The following SMYD3 variants were observed in gnomAD, a reference collection of about 807,000 sequenced individuals.
SMYD3 encodes histone-lysine N-methyltransferase SMYD3.
Under a neutral mutation model 57.7 loss-of-function variants are expected in SMYD3, and 36 were observed. The ratio of observed to expected loss-of-function variants is 0.62; its 90% CI spans 0.48 to 0.82. The LOEUF is 0.82. Ranked by LOEUF, SMYD3 falls within the 40% of genes least tolerant of loss-of-function variation. SMYD3 has a pLI of 0.00. For synonymous variants in SMYD3, 211 were observed against 195.0 expected, an observed-to-expected ratio of 1.08 and a Z score of -0.68; for missense variants, 515 against 538.8, an observed-to-expected ratio of 0.96 and a Z score of 0.44.
At chr1:245,810,980 A>C (rs1444639893) in intron 10 of SMYD3, among the ~76,000 whole-genome samples, 9 of 152,102 alleles carry the variant, frequency 5.9e-5, no homozygotes, top group Non-Finnish European at 1.5e-5. Flanking sequence ...TGCTCATTAC[A>C]CTTCTGATAT....
chr1:246,436,006 T>C, intron 1 of SMYD3, among the ~76,000 whole-genome samples: 1 of 152,172 alleles, frequency 6.6e-6, no homozygotes, highest in East Asian at 1.9e-4. Context: ...TTACTCAACA[T>C]TTCCTGGGTC....
At chr1:245,827,524 G>C (rs2049569733) in intron 10 of SMYD3, among the ~76,000 whole-genome samples, 1 of 152,152 alleles carries the variant, frequency 6.6e-6, no homozygotes, top group African/African-American at 2.4e-5. Flanking sequence ...CTTCCAGACA[G>C]TAAAATCCTC....
intron 5 of SMYD3, among the ~76,000 whole-genome samples, chr1:246,240,580 T>C (rs1293500049): frequency 1.3e-4 from 20 of 152,128 alleles, no homozygotes; most frequent in Non-Finnish European, 2.9e-5. Context: ...AAGGGCTCTT[T>C]TTTGGTTCCA....
chr1:246,178,859 G>A (rs2062481151), intron 5 of SMYD3: 2 of 152,058 alleles, frequency 1.3e-5, no homozygotes, highest in South Asian at 4.1e-4. Context: ...AATCAATGCA[G>A]AGCAGGTGGC....
chr1:245,866,547 C>T (rs2051858896), intron 8 of SMYD3, among the ~76,000 whole-genome samples: 1 of 152,072 alleles, frequency 6.6e-6, no homozygotes, highest in Non-Finnish European at 1.5e-5. Flanking sequence ...GCCTGGCCAA[C>T]ATGACAAAAC....
At chr1:245,771,972 G>A (rs2046357053) in intron 10 of SMYD3, among the ~76,000 whole-genome samples, 1 of 152,178 alleles carries the variant, frequency 6.6e-6, no homozygotes, top group Admixed American at 6.5e-5. Flanking sequence ...CTACTCTGGA[G>A]AGGTGCTGTT....
intron 10 of SMYD3, among the ~76,000 whole-genome samples, chr1:245,815,051 C>T (rs2048724449): frequency 6.6e-6 from 1 of 152,206 alleles, no homozygotes; most frequent in South Asian, 2.1e-4. Flanking sequence ...CAGAGCAGGA[C>T]AATGGTCTTG....
At chr1:245,752,290 C>T (rs1390958068) in intron 11 of SMYD3, among the ~76,000 whole-genome samples, 2 of 152,216 alleles carry the variant, frequency 1.3e-5, no homozygotes, top group African/African-American at 4.8e-5. Flanking sequence ...AAAGGCCAGA[C>T]CTAACCTGCT....
At chr1:246,179,222 C>T (rs1172852742) in intron 5 of SMYD3, 1 of 153,320 alleles carries the variant, frequency 6.5e-6, no homozygotes, top group Admixed American at 6.5e-5. Flanking sequence ...CCACATGGCA[C>T]TGGGCTCCAG....
intron 5 of SMYD3, among the ~76,000 whole-genome samples, chr1:246,174,846 C>T (rs1302008927): frequency 2.0e-5 from 3 of 152,202 alleles, no homozygotes; most frequent in African/African-American, 7.2e-5. Flanking sequence ...ACACTTTCAT[C>T]TGGTAAGCAC....
At chr1:246,336,264 C>T (rs915653535) in intron 2 of SMYD3, among the ~76,000 whole-genome samples, 4 of 152,138 alleles carry the variant, frequency 2.6e-5, no homozygotes, top group Non-Finnish European at 4.4e-5. Flanking sequence ...TCCTTTCACA[C>T]GGAATCACTT....
intron 5 of SMYD3, among the ~76,000 whole-genome samples, chr1:245,944,961 C>T (rs1457125446): frequency 6.6e-6 from 1 of 152,026 alleles, no homozygotes; most frequent in Non-Finnish European, 1.5e-5. Flanking sequence ...TGGACCCCTT[C>T]CTTACACATT....
intron 5 of SMYD3, among the ~76,000 whole-genome samples, chr1:246,196,026 CA>C (rs2062826507): frequency 6.6e-6 from 1 of 152,032 alleles, no homozygotes; most frequent in African/African-American, 2.4e-5. Context: ...ATTTTACTGT[CA>C]CTTCTTTATT....
chr1:246,136,755 T>A (rs1219796740), intron 5 of SMYD3, among the ~76,000 whole-genome samples: 1 of 152,164 alleles, frequency 6.6e-6, no homozygotes, highest in African/African-American at 2.4e-5. Flanking sequence ...AGTGGGCATA[T>A]AAATGAATGA....
intron 7 of SMYD3, among the ~76,000 whole-genome samples, chr1:245,919,377 A>C (rs1325345072): frequency 6.6e-6 from 1 of 152,180 alleles, no homozygotes; most frequent in Non-Finnish European, 1.5e-5. Context: ...ACACCATGCC[A>C]ACATGTGTCT....
intron 8 of SMYD3, among the ~76,000 whole-genome samples, chr1:245,879,297 G>T (rs2052648475): frequency 6.6e-6 from 1 of 152,242 alleles, no homozygotes; most frequent in Non-Finnish European, 1.5e-5. Flanking sequence ...CATAGGGTGG[G>T]CCTAAGGGCT....
chr1:245,769,237 A>T (rs1480937687), intron 10 of SMYD3, among the ~76,000 whole-genome samples: 2 of 152,232 alleles, frequency 1.3e-5, no homozygotes, highest in Admixed American at 1.3e-4. Flanking sequence ...TCACCATCTA[A>T]ATCCACTGAT....
chr1:246,507,110 C>T lies in SMYD3; in HGVS notation c.108G>A (p.Leu36=). 1.3e-6 allele frequency: 2 copies of T among 1,532,940 alleles called. No homozygotes were observed. The highest frequency in any genetic ancestry group is 1.8e-6 in the Non-Finnish European group (2 of 1,139,900). 95.0% of individuals were successfully genotyped at this position (1,532,940 alleles called of 1,614,324 possible). The change falls in exon 1 of 12, where the codon TTG becomes TTA. Residue 36 remains leucine (L), a synonymous_variant. Transcript: ENST00000490107. ...GACTCCCCTTGCACACCGTGTACGCCAAGGGATCCGAGCGGAAGAGTAGCT... is the reference window on the plus strand; with the variant it reads ...GACTCCCCTTGCACACCGTGTACGCTAAGGGATCCGAGCGGAAGAGTAGCT... ...PGELLFRSDP[L]AYTVCKGSRG...
intron 5 of SMYD3, among the ~76,000 whole-genome samples, chr1:246,295,444 G>A (rs12037567): frequency 0.11 from 16,074 of 152,086 alleles, 1,690 homozygotes; most frequent in African/African-American, 0.27. Flanking sequence ...ACTATAAGAG[G>A]CAGCATAATG....
Sources: gnomAD v4.1 joint callset for allele counts (sites outside exome capture counted in the v4.1 genomes callset) on GRCh38, gnomAD v4.1.1 for gene constraint, MANE v1.5 for transcripts, NCBI Gene and HGNC (gene_info 2026-07-23, HGNC 2026-07-21) for gene names.